DOCK2: variants seen among roughly 807,000 people sequenced by gnomAD.
The protein encoded by DOCK2 is dedicator of cytokinesis 2.
DOCK2 carries 87 observed loss-of-function variants against 248.9 expected under a neutral mutation model. That is an observed-to-expected ratio of 0.35 (90% CI 0.29 to 0.42). The LOEUF is 0.42. Ranked by LOEUF, DOCK2 falls within the 10% of genes least tolerant of loss-of-function variation. The probability of loss-of-function intolerance (pLI) is 1.00; values close to 1 mark genes in which losing one functional copy is unlikely to be tolerated. For missense variants in DOCK2, 1,747 were observed against 2,300.2 expected (o/e 0.76, Z 4.92); for synonymous variants, 805 against 821.6 (o/e 0.98, Z 0.35).
At chr5:170,053,576 C>A (rs1442082036) in intron 41 of DOCK2, among the ~76,000 whole-genome samples, 1 of 152,206 alleles carries the variant, frequency 6.6e-6, no homozygotes, top group Non-Finnish European at 1.5e-5. Flanking sequence ...GTTTGCCAAC[C>A]CCTGCCCTAG....
At position 170,008,829 on chromosome 5, in the gene DOCK2, G is replaced by T. The variant is rs1008792944; in HGVS notation, c.3232+83G>T. On this transcript the variant is annotated intron_variant, in intron 32 of 51. Transcript: ENST00000520908. Reference sequence around the variant, plus strand: ...AGACCATCTGTTGGAGGGCCACAGGGGTTTTAGCAGTGGGAGCATGAAATA... The same window carrying T: ...AGACCATCTGTTGGAGGGCCACAGGTGTTTTAGCAGTGGGAGCATGAAATA... The T allele has an allele frequency of 2.6e-6, 4 of 1,515,826 alleles. No individual in the cohort carries two copies. In the African/African-American group the frequency reaches 4.1e-5, roughly 16 times the overall value. The allele number at this position is 1,515,826 out of a possible 1,614,324, so 93.9% of individuals were successfully genotyped here.
chr5:169,910,219 C>A (rs1184490351), intron 27 of DOCK2, among the ~76,000 whole-genome samples: 2 of 152,144 alleles, frequency 1.3e-5, no homozygotes, highest in African/African-American at 4.8e-5. Context: ...AGAGGACAGT[C>A]ATCAGACAGG....
intron 32 of DOCK2, among the ~76,000 whole-genome samples, chr5:170,009,204 C>G (rs1345829160): frequency 3.3e-5 from 5 of 152,146 alleles, no homozygotes; most frequent in Admixed American, 2.6e-4. Flanking sequence ...CAGAAGCTGT[C>G]TCTGCCTCAG....
At chr5:169,881,162 G>A (rs542413583) in intron 27 of DOCK2, among the ~76,000 whole-genome samples, 2 of 152,266 alleles carry the variant, frequency 1.3e-5, no homozygotes, top group South Asian at 4.1e-4. Flanking sequence ...ATAAGCCTAG[G>A]GATGATTACA....
At chr5:169,986,496 T>C (rs1010562962) in intron 29 of DOCK2, among the ~76,000 whole-genome samples, 22 of 152,342 alleles carry the variant, frequency 1.4e-4, no homozygotes, top group Admixed American at 1.1e-3. Flanking sequence ...AAGTATAGCT[T>C]AGATGTCCTA....
intron 27 of DOCK2, among the ~76,000 whole-genome samples, chr5:169,913,775 A>AT (rs1774729231): frequency 6.6e-6 from 1 of 152,118 alleles, no homozygotes; most frequent in South Asian, 2.1e-4. Flanking sequence ...TAACCCTCTT[A>AT]TTTTTGATCA....
chr5:169,670,809 T>C (rs766568540), intron 4 of DOCK2, among the ~76,000 whole-genome samples: 1 of 152,204 alleles, frequency 6.6e-6, no homozygotes, highest in Non-Finnish European at 1.5e-5. Flanking sequence ...GGGTATTAGT[T>C]TGGAGAATCA....
intron 27 of DOCK2, among the ~76,000 whole-genome samples, chr5:169,870,567 G>T (rs261023): frequency 0.79 from 120,547 of 151,930 alleles, 48,685 homozygotes; most frequent in African/African-American, 0.93. Context: ...AGATCTGTGG[G>T]TTTTTTTCTT....
In DOCK2 at chr5:170,079,868, G is replaced by A. The variant is rs911906448; in HGVS notation, c.5167-295G>A. On this transcript the variant is annotated intron_variant, in intron 49 of 51. Coordinates refer to ENST00000520908, the MANE Select transcript of DOCK2 (RefSeq NM_004946.3). ...AGTGGGCCTCGCAGGCTACTCTTGC[G>A]TGGATGGATAAGAATGGAAATGTCT... The A allele has an allele frequency of 7.0e-5, 21 of 298,122 alleles. 1 individual carries two copies. The highest frequency in any genetic ancestry group is 2.5e-4 in the East Asian group (4 of 15,864). The allele number at this position is 298,122 out of a possible 1,614,324, so 18.5% of individuals were successfully genotyped here.
chr5:170,034,654 T>C, intron 35 of DOCK2, 99 bp downstream of exon 35: 1 of 1,479,768 alleles, frequency 6.8e-7, no homozygotes, highest in African/African-American at 1.4e-5. Flanking sequence ...GAAGCAGTGC[T>C]TAAGGGCTTT....
At chr5:169,769,095 C>T (rs1218185568) in intron 25 of DOCK2, among the ~76,000 whole-genome samples, 1 of 152,184 alleles carries the variant, frequency 6.6e-6, no homozygotes. Context: ...GAAGCTGCTT[C>T]TTTTTGTTTT....
intron 25 of DOCK2, among the ~76,000 whole-genome samples, chr5:169,782,776 C>G (rs1480077754): frequency 6.6e-6 from 1 of 152,178 alleles, no homozygotes; most frequent in Non-Finnish European, 1.5e-5. Flanking sequence ...CTGCTGCCTA[C>G]AGCTGCAAAA....
chr5:169,968,561 A>G (rs1777383777), intron 27 of DOCK2, among the ~76,000 whole-genome samples: 1 of 152,200 alleles, frequency 6.6e-6, no homozygotes, highest in Non-Finnish European at 1.5e-5. Flanking sequence ...CATGGTAAAT[A>G]TCCCTATGGA....
chr5:169,700,230 C>T, intron 13 of DOCK2, 91 bp downstream of exon 13: 1 of 1,493,392 alleles, frequency 6.7e-7, no homozygotes, highest in Non-Finnish European at 9.0e-7. Context: ...TCAACTCCTT[C>T]CTTTTTTACT....
At chr5:169,776,595 T>C (rs981591758) in intron 25 of DOCK2, among the ~76,000 whole-genome samples, 7 of 152,248 alleles carry the variant, frequency 4.6e-5, no homozygotes, top group Non-Finnish European at 7.3e-5. Flanking sequence ...ACACTGGCTA[T>C]AGTCAATTTT....
rs181352607 is a variant in DOCK2, at chr5:169,671,029, T to A, written c.225-49T>A. 2.7e-3 allele frequency: 4,118 copies of A among 1,546,818 alleles called. 9 individuals carry two copies. Among genetic ancestry groups the A allele is most frequent in the Non-Finnish European group, 3.2e-3 (3,569 of 1,121,426 alleles). On this transcript the variant is annotated intron_variant, in intron 4 of 51. Coordinates refer to ENST00000520908, the MANE Select transcript of DOCK2 (RefSeq NM_004946.3). ...CAAATTTGTTGGTGTTTTATCTTGT[T>A]AGCACCTGGGTCTCAATTTCACACC...
intron 27 of DOCK2, among the ~76,000 whole-genome samples, chr5:169,859,706 C>T (rs980504155): frequency 6.6e-6 from 1 of 152,216 alleles, no homozygotes; most frequent in Non-Finnish European, 1.5e-5. Context: ...ACATTGCTCC[C>T]AACACCTACT....
chr5:170,030,438 C>T (rs371703415), intron 34 of DOCK2, among the ~76,000 whole-genome samples: 2 of 152,110 alleles, frequency 1.3e-5, no homozygotes, highest in African/African-American at 4.8e-5. Flanking sequence ...AAAATATTAT[C>T]GAGCCCTTAG....
chr5:169,710,964 C>G (rs1761548948), intron 15 of DOCK2, among the ~76,000 whole-genome samples: 1 of 152,178 alleles, frequency 6.6e-6, no homozygotes, highest in Non-Finnish European at 1.5e-5. Flanking sequence ...TGCCTTGTAT[C>G]AGCATGGCCA....
Sources: gnomAD v4.1 joint callset for allele counts (sites outside exome capture counted in the v4.1 genomes callset) on GRCh38, gnomAD v4.1.1 for gene constraint, MANE v1.5 for transcripts, NCBI Gene and HGNC (gene_info 2026-07-23, HGNC 2026-07-21) for gene names.